The following DLG2 variants were observed in gnomAD, a reference collection of about 807,000 sequenced individuals.
DLG2 encodes the protein discs large MAGUK scaffold protein 2, also known as disks large homolog 2.
A neutral mutation model predicts 132.5 loss-of-function variants in DLG2; 45 were observed. The ratio of observed to expected loss-of-function variants is 0.34; its 90% CI spans 0.27 to 0.44. The LOEUF (loss-of-function observed/expected upper bound fraction) is 0.44, where lower values mean the gene tolerates loss of function less well. DLG2 is among the 20% of genes least tolerant of loss of function. The pLI, the probability that DLG2 is intolerant of heterozygous loss-of-function variation, is 1.00. For synonymous variants in DLG2, 424 were observed against 419.6 expected (o/e 1.01, Z -0.13); for missense variants, 1,045 against 1,196.9 (o/e 0.87, Z 1.87).
chr11:85,127,085 TA>T (rs1246468187), intron 5 of DLG2, among the ~76,000 whole-genome samples: 1 of 152,174 alleles, frequency 6.6e-6, no homozygotes, highest in African/African-American at 2.4e-5. Context: ...CTATTTCCTT[TA>T]AGATAACAAA....
chr11:84,696,937 A>G (rs1374765820), intron 6 of DLG2, among the ~76,000 whole-genome samples: 4 of 151,430 alleles, frequency 2.6e-5, no homozygotes, highest in Admixed American at 6.6e-5. Context: ...TAAAATATTA[A>G]ATAACTTGCC....
chr11:85,241,103 T>C (rs2075856164), intron 4 of DLG2, among the ~76,000 whole-genome samples: 1 of 151,740 alleles, frequency 6.6e-6, no homozygotes, highest in South Asian at 2.1e-4. Flanking sequence ...TTTGTATACA[T>C]TCTTGCACAG....
At chr11:83,637,158 C>T (rs1355000626) in intron 18 of DLG2, among the ~76,000 whole-genome samples, 1 of 152,106 alleles carries the variant, frequency 6.6e-6, no homozygotes, top group Non-Finnish European at 1.5e-5. Context: ...TTATAGAAGT[C>T]CTGAAATTGT....
At position 84,160,139 on chromosome 11, in the gene DLG2, T is replaced by C. The variant is rs577916775; in HGVS notation, c.624+3322A>G. 3.9e-5 allele frequency among the ~76,000 whole-genome samples: 6 copies of C among 152,190 alleles called. No individual in the cohort carries two copies. The South Asian group carries it at 1.2e-3, about 32-fold the overall frequency. ...GTCATGGCTTCAGAATTGGGAGTCA[T>C]CAGTTGACAGTTGGTATCTAAGGGC... is the stretch of plus-strand genomic sequence containing the variant. On this transcript the variant is annotated intron_variant, in intron 9 of 27. Transcript: ENST00000376104.
intron 3 of DLG2, among the ~76,000 whole-genome samples, chr11:85,486,205 C>CTT (rs2093425479): frequency 6.6e-6 from 1 of 152,070 alleles, no homozygotes; most frequent in Non-Finnish European, 1.5e-5. Flanking sequence ...AAAGAGGAGA[C>CTT]CAGGCACTCC....
intron 6 of DLG2, among the ~76,000 whole-genome samples, chr11:84,778,521 T>A (rs755795825): frequency 5.1e-4 from 78 of 152,330 alleles, no homozygotes; most frequent in Non-Finnish European, 2.2e-4. Context: ...ATGCATTGAA[T>A]CTGTAGATTG....
intron 7 of DLG2, among the ~76,000 whole-genome samples, chr11:84,369,996 G>C (rs569566366): frequency 6.6e-6 from 1 of 152,206 alleles, no homozygotes; most frequent in African/African-American, 2.4e-5. Context: ...TTTTGAATCT[G>C]TTTCCACTAA....
intron 11 of DLG2, among the ~76,000 whole-genome samples, chr11:84,032,645 C>T (rs1421047222): frequency 6.6e-6 from 1 of 152,150 alleles, no homozygotes; most frequent in Non-Finnish European, 1.5e-5. Context: ...ATGAAGGCAA[C>T]TATATTAAAC....
rs745502605 is a variant in DLG2, at chr11:83,469,273, A to G, written c.2547T>C (p.Phe849=). The part of the protein sequence containing the change: ...QMEKDIQEHK[F]IEAGQYNDNL... ...TGTCATTGTACTGGCCGGCTTCTATAAACTTGTGCTCTTGGATATCTTTCT... is the reference window on the plus strand; with the variant it reads ...TGTCATTGTACTGGCCGGCTTCTATGAACTTGTGCTCTTGGATATCTTTCT... The change falls in exon 25 of 28, where the codon TTT becomes TTC. Residue 849 remains phenylalanine (F), a synonymous_variant. Transcript: ENST00000376104. 1.2e-6 allele frequency: 2 copies of G among 1,613,856 alleles called. No individual in the cohort carries two copies. The highest frequency in any genetic ancestry group is 3.3e-5 in the Admixed American group (2 of 59,966).
At chr11:85,546,044 G>C (rs2076300570) in intron 3 of DLG2, among the ~76,000 whole-genome samples, 1 of 152,094 alleles carries the variant, frequency 6.6e-6, no homozygotes, top group Non-Finnish European at 1.5e-5. Context: ...ATTTGAATTT[G>C]TTTGCTCCTG....
chr11:85,319,157 C>G (rs1260456725), intron 3 of DLG2, among the ~76,000 whole-genome samples: 1 of 151,768 alleles, frequency 6.6e-6, no homozygotes, highest in African/African-American at 2.4e-5. Flanking sequence ...TTTCTTTAAG[C>G]CCAAAATGAA....
At chr11:85,089,480 G>A (rs2068431761) in intron 6 of DLG2, among the ~76,000 whole-genome samples, 1 of 152,124 alleles carries the variant, frequency 6.6e-6, no homozygotes, top group Non-Finnish European at 1.5e-5. Context: ...TTTTATGGCT[G>A]CATAGTATTC....
At chr11:85,047,063 T>G (rs1256468099) in intron 6 of DLG2, among the ~76,000 whole-genome samples, 1 of 152,020 alleles carries the variant, frequency 6.6e-6, no homozygotes, top group African/African-American at 2.4e-5. Context: ...TATCTCTTAG[T>G]GGCACAAATG....
chr11:85,428,589 GAC>G (rs2090943856), intron 3 of DLG2, among the ~76,000 whole-genome samples: 1 of 151,562 alleles, frequency 6.6e-6, no homozygotes, highest in Non-Finnish European at 1.5e-5. Flanking sequence ...TGAGAACAAA[GAC>G]ACAACATACC....
chr11:85,048,595 C>T (rs958732686), intron 6 of DLG2, among the ~76,000 whole-genome samples: 4 of 151,976 alleles, frequency 2.6e-5, no homozygotes, highest in Non-Finnish European at 5.9e-5. Flanking sequence ...ATCAATTGGA[C>T]ACTATCAATT....
chr11:84,092,498 T>C (rs915557112), intron 10 of DLG2, among the ~76,000 whole-genome samples: 2 of 152,200 alleles, frequency 1.3e-5, no homozygotes, highest in Non-Finnish European at 1.5e-5. Flanking sequence ...ACCTGAAACC[T>C]TGGTCTTTGA....
chr11:83,647,149 A>T (rs1199593893), intron 18 of DLG2: 1 of 151,962 alleles, frequency 6.6e-6, no homozygotes, highest in Non-Finnish European at 1.5e-5. Flanking sequence ...ACACTCAAAT[A>T]TCAGGACCTA....
intron 4 of DLG2, among the ~76,000 whole-genome samples, chr11:85,261,478 T>C (rs976828105): frequency 1.3e-5 from 2 of 151,976 alleles, no homozygotes; most frequent in South Asian, 4.1e-4. Context: ...GCCTGCATCA[T>C]AGAATTGACC....
rs746709763 is a variant in DLG2, at chr11:84,039,855, A to G, written c.919+19460T>C. Among the ~76,000 whole-genome samples the G allele has an allele frequency of 1.5e-3, 225 of 148,156 alleles. 1 individual carries two copies. Among genetic ancestry groups the G allele is most frequent in the Non-Finnish European group, 2.8e-3 (186 of 66,664 alleles). On this transcript the variant is annotated intron_variant, in intron 11 of 27. Transcript: ENST00000376104. ...CCACCAACAGTGTATAAGTGTTCCT[A>G]TCTCTCCACATCCTCTCCAGCACCT...
Sources: allele counts gnomAD v4.1 joint callset (sites outside exome capture counted in the v4.1 genomes callset), GRCh38; gene constraint gnomAD v4.1.1; transcripts MANE v1.5; gene names NCBI Gene and HGNC (gene_info 2026-07-23, HGNC 2026-07-21).